THSD4: variants seen among roughly 807,000 people sequenced by gnomAD.
THSD4 encodes the protein thrombospondin type-1 domain-containing protein 4.
A neutral mutation model predicts 119.0 loss-of-function variants in THSD4; 69 were observed. That is an observed-to-expected ratio of 0.58 (90% CI 0.48 to 0.71). The LOEUF (loss-of-function observed/expected upper bound fraction) is 0.71, where lower values mean the gene tolerates loss of function less well. Ranked by LOEUF, THSD4 falls within the 30% of genes least tolerant of loss-of-function variation. The pLI is 0.00. For synonymous variants in THSD4, 524 were observed against 540.4 expected, an observed-to-expected ratio of 0.97 and a Z score of 0.42; for missense variants, 1,393 against 1,391.1, an observed-to-expected ratio of 1.00 and a Z score of -0.02.
intron 10 of THSD4, among the ~76,000 whole-genome samples, chr15:71,735,654 G>GTC (rs373288292): frequency 1.4e-5 from 2 of 141,596 alleles, no homozygotes; most frequent in Middle Eastern, 8.1e-3. Context: ...CTTGCTCTCT[G>GTC]TCTCTCTCTC....
At chr15:71,684,382 ATC>A (rs2051862229) in intron 8 of THSD4, among the ~76,000 whole-genome samples, 1 of 152,092 alleles carries the variant, frequency 6.6e-6, no homozygotes, top group Non-Finnish European at 1.5e-5. Context: ...TCCTTAACCT[ATC>A]TCTGATTTTA....
chr15:71,495,811 G>A (rs953832309), intron 7 of THSD4, among the ~76,000 whole-genome samples: 4 of 152,158 alleles, frequency 2.6e-5, no homozygotes, highest in African/African-American at 9.7e-5. Flanking sequence ...CAAGCACCCT[G>A]TCCTTTTGTT....
At chr15:71,337,957 T>A (rs2045509988) in intron 6 of THSD4, among the ~76,000 whole-genome samples, 1 of 152,178 alleles carries the variant, frequency 6.6e-6, no homozygotes, top group African/African-American at 2.4e-5. Flanking sequence ...GCTGATAAGT[T>A]CCTGGAAGGA....
At chr15:71,295,684 T>TA (rs35437901) in intron 6 of THSD4, among the ~76,000 whole-genome samples, 5,523 of 146,946 alleles carry the variant, frequency 0.038, 229 homozygotes, top group African/African-American at 0.1. Context: ...ACATTTTCTT[T>TA]AAAAAAAAAA....
chr15:71,265,874 C>T (rs922008899), intron 6 of THSD4, among the ~76,000 whole-genome samples: 1 of 152,176 alleles, frequency 6.6e-6, no homozygotes, highest in African/African-American at 2.4e-5. Context: ...CACCGCAGCT[C>T]GGGAAAGTCA....
intron 4 of THSD4, among the ~76,000 whole-genome samples, chr15:71,233,273 A>C (rs1345142963): frequency 6.6e-6 from 1 of 152,140 alleles, no homozygotes; most frequent in Non-Finnish European, 1.5e-5. Context: ...AGGCGTTAAG[A>C]TTACTGATTT....
At chr15:71,722,861 A>C (rs1268421763) in intron 8 of THSD4, among the ~76,000 whole-genome samples, 2 of 152,164 alleles carry the variant, frequency 1.3e-5, no homozygotes. Flanking sequence ...TTTTCTGTCT[A>C]TGCTTTTATT....
chr15:71,472,194 G>T (rs1192122769), intron 7 of THSD4, among the ~76,000 whole-genome samples: 1 of 152,164 alleles, frequency 6.6e-6, no homozygotes, highest in Admixed American at 6.5e-5. Context: ...TGGAATTACA[G>T]GCATGAGCCA....
chr15:71,215,116 C>CCCTGGTCGG lies in THSD4; in HGVS notation c.186_194dup (p.Trp62_Ala64dup). Reference sequence around the variant, plus strand: ...CCCGGGAGTGTGGGGCGCCTGGGGCCCCTGGTCGGCCTGCTCGCGTAGCTG... The same window carrying CCCTGGTCGG: ...CCCGGGAGTGTGGGGCGCCTGGGGCCCCTGGTCGGCCTGGTCGGCCTGCTCGCGTAGCTG... On this transcript the variant is annotated inframe_insertion, in exon 4 of 18. Coordinates refer to ENST00000261862, the MANE Select transcript of THSD4 (RefSeq NM_024817.3). 7.4e-7 allele frequency: 1 copy of CCCTGGTCGG among 1,351,892 alleles called. No homozygotes were observed. Among genetic ancestry groups the CCCTGGTCGG allele is most frequent in the Non-Finnish European group, 9.5e-7 (1 of 1,048,046 alleles). The allele number at this position is 1,351,892 out of a possible 1,614,324, so 83.7% of individuals were successfully genotyped here.
intron 6 of THSD4, among the ~76,000 whole-genome samples, chr15:71,363,565 A>G (rs1052879097): frequency 2.0e-5 from 3 of 152,230 alleles, no homozygotes; most frequent in African/African-American, 7.2e-5. Flanking sequence ...GTTAAAGAAT[A>G]TTAAGAACAA....
chr15:71,286,687 C>T (rs2044722244), intron 6 of THSD4, among the ~76,000 whole-genome samples: 1 of 152,178 alleles, frequency 6.6e-6, no homozygotes, highest in Non-Finnish European at 1.5e-5. Flanking sequence ...ATTGCTGGGT[C>T]GAATGGTATT....
chr15:71,109,095 C>A (rs555020883), intron 1 of THSD4, among the ~76,000 whole-genome samples: 25 of 152,334 alleles, frequency 1.6e-4, no homozygotes, highest in African/African-American at 4.8e-4. Context: ...GAAAGATGAA[C>A]TTAGGAAGAA....
Position 71,775,843 on chromosome 15 carries a change from A to G in THSD4, c.2915-1389A>G, listed in dbSNP as rs533026734. ...GACTTTTCCTACCACATATCAAGGC[A>G]TCTTGGCACAAGGATGGATAAAAAA... On this transcript the variant is annotated intron_variant, in intron 17 of 17. Transcript: ENST00000261862. Among the ~76,000 whole-genome samples, 14 of 152,358 alleles carry G rather than the reference A, an allele frequency of 9.2e-5. 1 individual carries two copies. The highest frequency in any genetic ancestry group is 5.9e-4 in the Admixed American group (9 of 15,304).
At chr15:71,774,778 GAA>G (rs11317881) in intron 17 of THSD4, among the ~76,000 whole-genome samples, 2 of 140,008 alleles carry the variant, frequency 1.4e-5, no homozygotes, top group African/African-American at 5.2e-5. Context: ...CCCCATCTCT[GAA>G]AAAAAAAAAA....
chr15:71,311,070 C>G (rs2045104401), intron 6 of THSD4, among the ~76,000 whole-genome samples: 1 of 152,158 alleles, frequency 6.6e-6, no homozygotes, highest in African/African-American at 2.4e-5. Context: ...TCCACACAGT[C>G]CTCAGGGCCT....
chr15:71,708,874 A>C (rs911061145), intron 8 of THSD4, among the ~76,000 whole-genome samples: 1 of 151,958 alleles, frequency 6.6e-6, no homozygotes, highest in Non-Finnish European at 1.5e-5. Flanking sequence ...TGTGGCAAAG[A>C]CCCCTGTCCT....
chr15:71,289,757 C>T (rs1448612559), intron 6 of THSD4, among the ~76,000 whole-genome samples: 1 of 152,164 alleles, frequency 6.6e-6, no homozygotes. Context: ...GCCTTCTCAA[C>T]CCTCATCTAG....
In THSD4 at chr15:71,660,546, A is replaced by G; in HGVS notation, c.1169A>G (p.Asp390Gly). Residue 390 changes from aspartate to glycine, a missense_variant, in exon 8 of 18, where the codon GAC becomes GGC. Asp to Gly is a moderately conservative substitution (Grantham distance 94). Transcript: ENST00000261862. ...TTTTTGCAGAGCATTGGCTGTGATG[A>G]CTACTTAGGCTCCGACAAAGTCGTG... is the stretch of plus-strand genomic sequence containing the variant. ...SGQCKSIGCD[D>G]YLGSDKVVDK... 2 of 1,614,122 alleles carry G rather than the reference A, an allele frequency of 1.2e-6. No individual in the cohort carries two copies. Among genetic ancestry groups the G allele is most frequent in the Non-Finnish European group, 1.7e-6 (2 of 1,180,012 alleles).
At chr15:71,594,237 G>A (rs1471723850) in intron 7 of THSD4, among the ~76,000 whole-genome samples, 2 of 149,172 alleles carry the variant, frequency 1.3e-5, no homozygotes, top group Non-Finnish European at 3.0e-5. Context: ...CTGAGATAAA[G>A]TGTCACTGTT....
Sources: allele counts gnomAD v4.1 joint callset (sites outside exome capture counted in the v4.1 genomes callset), GRCh38; gene constraint gnomAD v4.1.1; transcripts MANE v1.5; gene names NCBI Gene and HGNC (gene_info 2026-07-23, HGNC 2026-07-21).